CAMTA1: variants seen among roughly 807,000 people sequenced by gnomAD.
CAMTA1 encodes calmodulin-binding transcription activator 1.
In CAMTA1, 27 loss-of-function variants were observed where a neutral mutation model predicts 170.9. The ratio of observed to expected loss-of-function variants is 0.16; its 90% CI spans 0.12 to 0.22. The LOEUF is 0.22. Ranked by LOEUF, CAMTA1 falls within the 10% of genes least tolerant of loss-of-function variation. The pLI is 1.00. For synonymous variants in CAMTA1, 833 were observed against 891.5 expected (o/e 0.93, Z 1.17); for missense variants, 1,619 against 2,217.2 (o/e 0.73, Z 5.42).
chr1:6,918,012 G>GTGGGGC lies in CAMTA1; in HGVS notation c.234+92807_234+92812dup, dbSNP rs1681213916. Among the ~76,000 whole-genome samples, 1 of 152,144 alleles carries GTGGGGC rather than the reference G, an allele frequency of 6.6e-6. No individual in the cohort carries two copies. The highest frequency in any genetic ancestry group is 1.5e-5 in the Non-Finnish European group (1 of 68,020). On this transcript the variant is annotated intron_variant, in intron 3 of 22. Transcript: ENST00000303635. The surrounding 1 kb of genome is among the most constrained non-coding windows in gnomAD (Gnocchi z 4.0). Reference sequence around the variant, plus strand: ...CCATGCTGTCTGGGACCTAGGCTGGGTGGGGCTGGGTTAGGCCTCACATCT... The same window carrying GTGGGGC: ...CCATGCTGTCTGGGACCTAGGCTGGGTGGGGCTGGGGCTGGGTTAGGCCTCACATCT...
chr1:7,442,955 A>G (rs541295567), intron 5 of CAMTA1, among the ~76,000 whole-genome samples: 3 of 152,254 alleles, frequency 2.0e-5, no homozygotes, highest in African/African-American at 7.2e-5. Flanking sequence ...GCCTTCCCAG[A>G]TGCCACATTC....
In CAMTA1 at chr1:7,398,229, A is replaced by C. The variant is rs1349054248; in HGVS notation, c.439-69601A>C. On this transcript the variant is annotated intron_variant, in intron 5 of 22. Coordinates refer to ENST00000303635, the MANE Select transcript of CAMTA1 (RefSeq NM_015215.4). ...TATATATATATATATATATATATAT[A>C]TATATATATTTGCTTAATATATCTG... 3.0e-5 allele frequency among the ~76,000 whole-genome samples: 3 copies of C among 100,074 alleles called. No individual in the cohort carries two copies. The Admixed American group carries it at 3.3e-4, about 11-fold the overall frequency. The allele number at this position is 100,074 out of a possible 152,430, so 65.7% of individuals were successfully genotyped here. A position where few individuals can be genotyped will look rare whatever the true frequency, so the allele number is the denominator to read the frequency against.
chr1:6,990,623 A>G (rs1263947092), intron 3 of CAMTA1, among the ~76,000 whole-genome samples: 2 of 152,148 alleles, frequency 1.3e-5, no homozygotes, highest in African/African-American at 4.8e-5. Flanking sequence ...TTCTATAAAG[A>G]CACAGAACAT....
rs1213238543 is a variant in CAMTA1 at position 7,044,262 on chromosome 1, C to T, written c.235-47042C>T. Reference sequence around the variant, plus strand: ...TGGGCCTGTTCACACACGGTTGGGACTGGCCAAGGGTCTCACCCAGACTAG... The same window carrying T: ...TGGGCCTGTTCACACACGGTTGGGATTGGCCAAGGGTCTCACCCAGACTAG... On this transcript the variant is annotated intron_variant, in intron 3 of 22. Coordinates refer to ENST00000303635, the MANE Select transcript of CAMTA1 (RefSeq NM_015215.4). This position sits in a 1 kb window ranked among gnomAD's most constrained non-coding sequence, Gnocchi z 5.0. Among the ~76,000 whole-genome samples the T allele has an allele frequency of 6.6e-6, 1 of 152,340 alleles. No homozygotes were observed. Among genetic ancestry groups the T allele is most frequent in the Non-Finnish European group, 1.5e-5 (1 of 68,032 alleles).
At chr1:7,197,521 T>C (rs1351440482) in intron 4 of CAMTA1, among the ~76,000 whole-genome samples, 1 of 151,800 alleles carries the variant, frequency 6.6e-6, no homozygotes, top group Non-Finnish European at 1.5e-5. Flanking sequence ...CAGAGCTCCC[T>C]GGGACCAGGG....
intron 5 of CAMTA1, among the ~76,000 whole-genome samples, chr1:7,418,142 C>T (rs149762415): frequency 0.01 from 1,545 of 152,236 alleles, 27 homozygotes; most frequent in African/African-American, 0.034. Flanking sequence ...CTTTTCTCCC[C>T]GCTCTGGGAT....
At chr1:7,441,714 G>C (rs897141667) in intron 5 of CAMTA1, among the ~76,000 whole-genome samples, 2 of 152,174 alleles carry the variant, frequency 1.3e-5, no homozygotes, top group Non-Finnish European at 2.9e-5. Context: ...CCCAGAGGTG[G>C]GGATGAGTTT....
intron 5 of CAMTA1, among the ~76,000 whole-genome samples, chr1:7,396,777 G>A (rs1364912068): frequency 6.6e-6 from 1 of 152,134 alleles, no homozygotes; most frequent in African/African-American, 2.4e-5. Context: ...CCTTGATTAT[G>A]TTAATGTGAT....
intron 5 of CAMTA1, among the ~76,000 whole-genome samples, chr1:7,410,893 GCGTC>G (rs2090664437): frequency 1.3e-5 from 1 of 75,110 alleles, no homozygotes; most frequent in Admixed American, 1.9e-4. Flanking sequence ...TGGAGGGTGG[GCGTC>G]TGTGTGTGTG....
intron 4 of CAMTA1, among the ~76,000 whole-genome samples, chr1:7,098,043 C>T (rs1026462605): frequency 8.6e-5 from 13 of 151,936 alleles, no homozygotes; most frequent in Admixed American, 8.5e-4. Context: ...CCTGGAGTTG[C>T]CTCTGTAGCT....
intron 11 of CAMTA1, among the ~76,000 whole-genome samples, chr1:7,715,412 C>G (rs1277765031): frequency 6.6e-6 from 1 of 151,276 alleles, no homozygotes; most frequent in East Asian, 1.9e-4. Flanking sequence ...TGAAGTCAAG[C>G]TGCATCCCAT....
intron 5 of CAMTA1, among the ~76,000 whole-genome samples, chr1:7,359,163 C>T (rs886631279): frequency 3.3e-5 from 5 of 152,122 alleles, no homozygotes; most frequent in Non-Finnish European, 7.4e-5. Context: ...GCGATAAAGC[C>T]CTGTTATCAG....
At chr1:6,922,952 C>T (rs560490931) in intron 3 of CAMTA1, among the ~76,000 whole-genome samples, 1 of 152,108 alleles carries the variant, frequency 6.6e-6, no homozygotes, top group Non-Finnish European at 1.5e-5. Context: ...GCTCTGCTTC[C>T]TGGTCCCTGC....
At chr1:7,196,397 T>G (rs887186648) in intron 4 of CAMTA1, among the ~76,000 whole-genome samples, 1 of 152,144 alleles carries the variant, frequency 6.6e-6, no homozygotes, top group Non-Finnish European at 1.5e-5. Context: ...ACTAATACAG[T>G]ATGTGTGAAG....
chr1:7,635,551 G>T lies in CAMTA1; in HGVS notation c.511-4849G>T, dbSNP rs940803050. The stretch of plus-strand genomic sequence containing the variant: ...GTGAACCCGGGAGGCGGAGGTTGCA[G>T]TGAGCCGAGATCGCGCCACTGCACT... On this transcript the variant is annotated intron_variant, in intron 6 of 22. Coordinates refer to ENST00000303635, the MANE Select transcript of CAMTA1 (RefSeq NM_015215.4). This position sits in a 1 kb window ranked among gnomAD's most constrained non-coding sequence, Gnocchi z 4.4. Among the ~76,000 whole-genome samples the T allele has an allele frequency of 6.6e-6, 1 of 151,422 alleles. No homozygotes were observed. Among genetic ancestry groups the T allele is most frequent in the Non-Finnish European group, 1.5e-5 (1 of 67,910 alleles).
chr1:7,419,225 G>A (rs1019380840), intron 5 of CAMTA1, among the ~76,000 whole-genome samples: 3 of 151,942 alleles, frequency 2.0e-5, no homozygotes, highest in Non-Finnish European at 4.4e-5. Flanking sequence ...GCACGATCTC[G>A]GCTCACTGCA....
intron 3 of CAMTA1, among the ~76,000 whole-genome samples, chr1:7,020,778 G>T (rs1427845297): frequency 1.3e-5 from 2 of 152,198 alleles, no homozygotes; most frequent in Non-Finnish European, 2.9e-5. Flanking sequence ...GCTGGAGAGG[G>T]ACCAGGGCTG....
rs562999492 is a variant in CAMTA1 at position 6,895,716 on chromosome 1, C to G, written c.234+70506C>G. On this transcript the variant is annotated intron_variant, in intron 3 of 22. Coordinates refer to ENST00000303635, the MANE Select transcript of CAMTA1 (RefSeq NM_015215.4). ...TACCTAAAATTATTTCCTCTCCTCC[C>G]CATCTTTGTTTGCTGGCTCCTTTGT... is the stretch of plus-strand genomic sequence containing the variant. Among the ~76,000 whole-genome samples, 51 of 152,312 alleles carry G rather than the reference C, an allele frequency of 3.3e-4. No individual in the cohort carries two copies. In the South Asian group the frequency reaches 9.9e-3, roughly 30 times the overall value.
Position 7,444,552 on chromosome 1 carries a change from C to G in CAMTA1, c.439-23278C>G, listed in dbSNP as rs552197408. On this transcript the variant is annotated intron_variant, in intron 5 of 22. Coordinates refer to ENST00000303635, the MANE Select transcript of CAMTA1 (RefSeq NM_015215.4). ...GGCAGAGAAGCTAAGGACAGCCCAG[C>G]CTAGGGAGTGAGGAAGCAGGAAGTG... is the stretch of plus-strand genomic sequence containing the variant. 9.7e-4 allele frequency among the ~76,000 whole-genome samples: 148 copies of G among 152,322 alleles called. 1 individual carries two copies. The highest frequency in any genetic ancestry group is 1.6e-3 in the Non-Finnish European group (107 of 68,026).
Sources: gnomAD v4.1 joint callset for allele counts (sites outside exome capture counted in the v4.1 genomes callset) on GRCh38, gnomAD v4.1.1 for gene constraint, Gnocchi (gnomAD v3.1) non-coding constraint, MANE v1.5 for transcripts, NCBI Gene and HGNC (gene_info 2026-07-23, HGNC 2026-07-21) for gene names.